The following CDAN1 variants were observed in gnomAD, a reference collection of about 807,000 sequenced individuals.
The protein encoded by CDAN1 is codanin 1.
In CDAN1, 107 loss-of-function variants were observed where a neutral mutation model predicts 139.8. That is an observed-to-expected ratio of 0.77 (90% CI 0.65 to 0.90). CDAN1 has a LOEUF of 0.90. Ranked by LOEUF, CDAN1 falls within the 40% of genes least tolerant of loss-of-function variation. CDAN1 has a pLI of 0.00. For missense variants in CDAN1, 1,667 were observed against 1,575.7 expected, an observed-to-expected ratio of 1.06 and a Z score of -0.98; for synonymous variants, 776 against 660.6, an observed-to-expected ratio of 1.17 and a Z score of -2.68.
chr15:42,736,423 C>CCCCGGCT lies in CDAN1; in HGVS notation c.441_447dup (p.Gly150SerfsTer7). 6.2e-7 allele frequency: 1 copy of CCCCGGCT among 1,604,594 alleles called. No individual in the cohort carries two copies. The highest frequency in any genetic ancestry group is 8.5e-7 in the Non-Finnish European group (1 of 1,175,756). ...CTGCCAGAGCCCCTAAGCCTCCGGC[C>CCCCGGCT]CCCGGCTCCGGGCAGGCTCTCCCCG... On this transcript the variant is annotated frameshift_variant, in exon 2 of 28. Coordinates refer to ENST00000356231, the MANE Select transcript of CDAN1 (RefSeq NM_138477.4). LOFTEE classifies it high-confidence loss of function.
chr15:42,736,375 G>C lies in CDAN1; in HGVS notation c.496C>G (p.Leu166Val). The part of the protein sequence containing the change: ...SGSPSRPSLT[L>V]SDPPNLSNLE... ...TTGCTGAGGTTTGGCGGATCAGACA[G>C]CGTGAGGCTGGGGCGGCTGGGGCTG... The change falls in exon 2 of 28, where the codon CTG becomes GTG. Residue 166 changes from leucine to valine, a missense_variant. This residue lies in a region of CDAN1 where 487 missense variants were observed against 422.2 expected (regional missense o/e 1.15). Transcript: ENST00000356231. 1 of 1,613,622 alleles carries C rather than the reference G, an allele frequency of 6.2e-7. No individual in the cohort carries two copies. The highest frequency in any genetic ancestry group is 1.1e-5 in the South Asian group (1 of 91,078).
Position 42,736,521 on chromosome 15 carries a change from C to A in CDAN1, c.350G>T (p.Arg117Leu). The change falls in exon 2 of 28, where the codon CGC becomes CTC. Residue 117 changes from arginine to leucine, a missense_variant. Transcript: ENST00000356231. ...CGGGCCCCGCCTCCTGCCCCCGCGG[C>A]GGGCCAGAGGGGCCTCGGCAGCGGT... Reference protein sequence around the residue: ...QSTAAEAPLARRGGRRRGPGP... With the variant: ...QSTAAEAPLALRGGRRRGPGP... The A allele has an allele frequency of 7.1e-7, 1 of 1,416,416 alleles. No individual in the cohort carries two copies. 87.7% of individuals were successfully genotyped at this position (1,416,416 alleles called of 1,614,324 possible).
rs3742987 is a variant in CDAN1 at position 42,724,349 on chromosome 15, T to C, written c.*142A>G. The C allele has an allele frequency of 0.28, 318,137 of 1,134,980 alleles. 58,741 individuals are homozygous for C. The highest frequency in any genetic ancestry group is 0.85 in the African/African-American group (55,439 of 65,420). 70.3% of individuals were successfully genotyped at this position (1,134,980 alleles called of 1,614,324 possible). A position where few individuals can be genotyped will look rare whatever the true frequency, so the allele number is the denominator to read the frequency against. On this transcript the variant is annotated 3_prime_UTR_variant, in exon 28 of 28. Transcript: ENST00000356231. ...ATTCGCGTGGTGGGATGCCAGGCAG[T>C]GACACCCTTAGAGCAGGAAGTCTGA...
At chr15:42,734,722 C>G (rs1311471340) in intron 6 of CDAN1, among the ~76,000 whole-genome samples, 1 of 151,552 alleles carries the variant, frequency 6.6e-6, no homozygotes, top group Non-Finnish European at 1.5e-5. Flanking sequence ...TCAGGAGATC[C>G]TTCCACCTCA....
intron 14 of CDAN1, 147 bp from the exon 15 acceptor site, chr15:42,730,362 C>T: frequency 1.1e-6 from 1 of 897,568 alleles, no homozygotes; most frequent in South Asian, 1.4e-5. Context: ...GCCCCGCCTC[C>T]TGCATGGGGA....
At position 42,729,839 on chromosome 15, in the gene CDAN1, G is replaced by A. The variant is rs1228908738; in HGVS notation, c.2309C>T (p.Ser770Leu). The A allele has an allele frequency of 3.7e-6, 6 of 1,613,952 alleles. No individual in the cohort carries two copies. The highest frequency in any genetic ancestry group is 1.1e-5 in the South Asian group (1 of 91,048). Residue 770 changes from serine to leucine, a missense_variant, in exon 16 of 28, where the codon TCA becomes TTA. By Grantham distance (145) the Ser-to-Leu change is moderately radical. Transcript: ENST00000356231. Reference sequence around the variant, plus strand: ...TACTGTGTCCACCTCAAAGGCATATGAGGGACCCTCTTCCAGAAAGAACAA... The same window carrying A: ...TACTGTGTCCACCTCAAAGGCATATAAGGGACCCTCTTCCAGAAAGAACAA... ...EDLFFLEEGP[S>L]YAFEVDTVAP...
chr15:42,728,848 GTTA>G (rs1566981872), intron 19 of CDAN1, 38 bp from the exon 20 acceptor site: 1 of 1,613,706 alleles, frequency 6.2e-7, no homozygotes, highest in Admixed American at 1.7e-5. Context: ...TGGTTGGAGG[GTTA>G]ATCGGAAAGA....
At chr15:42,731,166 CCTCCT>C in intron 12 of CDAN1, 40 bp downstream of exon 12, 3 of 1,614,204 alleles carry the variant, frequency 1.9e-6, no homozygotes, top group Non-Finnish European at 2.5e-6. Flanking sequence ...TACTCCCTTC[CCTCCT>C]GGGTCAGACC....
chr15:42,734,050 A>G lies in CDAN1; in HGVS notation c.1258-3T>C. Reference sequence around the variant, plus strand: ...GAGGGAGGCATCACCAGAGAGACCTAAAATACAGCAGGAACGTTAGGAACT... The same window carrying G: ...GAGGGAGGCATCACCAGAGAGACCTGAAATACAGCAGGAACGTTAGGAACT... On this transcript the variant is annotated splice_polypyrimidine_tract_variant and splice_region_variant and intron_variant, in intron 7 of 27. Transcript: ENST00000356231. The G allele has an allele frequency of 6.2e-7, 1 of 1,610,572 alleles. No individual in the cohort carries two copies. Among genetic ancestry groups the G allele is most frequent in the Non-Finnish European group, 8.5e-7 (1 of 1,176,684 alleles).
intron 8 of CDAN1, 89 bp from the exon 9 acceptor site, chr15:42,733,275 C>A: frequency 9.1e-7 from 1 of 1,095,970 alleles, no homozygotes. Context: ...GCCCACCCAC[C>A]ACCTTTTTTT....
intron 1 of CDAN1, 29 bp downstream of exon 1, chr15:42,736,984 C>G (rs1466754219): frequency 9.8e-6 from 15 of 1,535,796 alleles, no homozygotes; most frequent in Non-Finnish European, 1.3e-5. Context: ...GGCTTCGAGT[C>G]AGACCTGGGG....
At chr15:42,727,816 C>T in intron 22 of CDAN1, 47 bp from the exon 23 acceptor site, 1 of 1,612,164 alleles carries the variant, frequency 6.2e-7, no homozygotes. Flanking sequence ...GAGGGCCCTG[C>T]ACAGGTTCAC....
chr15:42,731,315 G>A lies in CDAN1; in HGVS notation c.1756C>T (p.His586Tyr), dbSNP rs2061608909. 6.2e-7 allele frequency: 1 copy of A among 1,614,056 alleles called. No homozygotes were observed. Among genetic ancestry groups the A allele is most frequent in the Non-Finnish European group, 8.5e-7 (1 of 1,180,028 alleles). ...TTCAAGCTCAGACTGTCCATGAGAT[G>A]CTGGTTAAACTGGAAGCTGAGAAGA... ...LSASSFQFNQ[H>Y]LMDSLSLKIQ... The change falls in exon 12 of 28, where the codon CAT (histidine) becomes TAT (tyrosine). Residue 586 changes from histidine (H) to tyrosine (Y), a missense_variant. By Grantham distance (83) the His-to-Tyr change is moderately conservative. This residue lies in a region of CDAN1 where 936 missense variants were observed against 844.1 expected (regional missense o/e 1.11). Transcript: ENST00000356231.
chr15:42,736,261 C>A, intron 2 of CDAN1, 41 bp downstream of exon 2: 1 of 1,611,678 alleles, frequency 6.2e-7, no homozygotes, highest in Non-Finnish European at 8.5e-7. Flanking sequence ...CTCCCCAGAG[C>A]CTTCGTGGTA....
Position 42,726,174 on chromosome 15 carries a change from G to C in CDAN1, c.3205-14C>G, listed in dbSNP as rs199584270. ...TGGGCACAGGAACTGCGGTTGGGGT[G>C]GGGGGGAAAGAGAGACCATAGGTAT... On this transcript the variant is annotated splice_polypyrimidine_tract_variant and intron_variant, in intron 24 of 27. Coordinates refer to ENST00000356231, the MANE Select transcript of CDAN1 (RefSeq NM_138477.4). The C allele has an allele frequency of 5.6e-5, 91 of 1,612,572 alleles. 1 individual carries two copies. Among genetic ancestry groups the C allele is most frequent in the East Asian group, 4.0e-4 (18 of 44,882 alleles).
In CDAN1 at chr15:42,729,552, G is replaced by T. The variant is rs922774573; in HGVS notation, c.2407+16C>A. On this transcript the variant is annotated intron_variant, in intron 17 of 27. Transcript: ENST00000356231. ...AGGGACAGACCAAGGACCGTCCAGGGAAGACCGGTGCTCACCGATGTAGGG... is the reference window on the plus strand; with the variant it reads ...AGGGACAGACCAAGGACCGTCCAGGTAAGACCGGTGCTCACCGATGTAGGG... 6.2e-7 allele frequency: 1 copy of T among 1,614,148 alleles called. No homozygotes were observed. The highest frequency in any genetic ancestry group is 8.5e-7 in the Non-Finnish European group (1 of 1,180,012).
Position 42,725,481 on chromosome 15 carries a change from T to A in CDAN1, c.3450+8A>T. 1.2e-6 allele frequency: 2 copies of A among 1,614,188 alleles called. No homozygotes were observed. Among genetic ancestry groups the A allele is most frequent in the Middle Eastern group, 3.3e-4 (2 of 6,062 alleles). On this transcript the variant is annotated splice_region_variant and intron_variant, in intron 26 of 27. Coordinates refer to ENST00000356231, the MANE Select transcript of CDAN1 (RefSeq NM_138477.4). ...ACTGCAGAGGGCTTCTTGTTCCGTC[T>A]GACTCACCTCCCTTGGCCTTGTGTC...
chr15:42,734,519 T>C (rs940937152), intron 6 of CDAN1, among the ~76,000 whole-genome samples, 173 bp from the exon 7 acceptor site: 7 of 152,152 alleles, frequency 4.6e-5, no homozygotes, highest in Non-Finnish European at 1.0e-4. Flanking sequence ...GGGGAGGATA[T>C]GAGACTTTAC....
intron 27 of CDAN1, 200 bp from the exon 28 acceptor site, chr15:42,724,816 G>A (rs2061501208): frequency 1.5e-6 from 1 of 687,692 alleles, no homozygotes; most frequent in Non-Finnish European, 2.5e-6. Context: ...CTCTGATGGA[G>A]GCACAGGCTT....
Sources: allele counts gnomAD v4.1 joint callset (sites outside exome capture counted in the v4.1 genomes callset), GRCh38; gene constraint gnomAD v4.1.1; regional missense constraint gnomAD v4.1.1; transcripts MANE v1.5; gene names NCBI Gene and HGNC (gene_info 2026-07-23, HGNC 2026-07-21).